The following APPBP2 variants were observed in gnomAD, a reference collection of about 807,000 sequenced individuals.
APPBP2 encodes amyloid beta precursor protein binding protein 2, also known as amyloid protein-binding protein 2.
APPBP2 carries 15 observed loss-of-function variants against 76.0 expected under a neutral mutation model. That is an observed-to-expected ratio of 0.20 (90% CI 0.13 to 0.30). The LOEUF is 0.30. APPBP2 is among the 10% of genes least tolerant of loss of function. The probability of loss-of-function intolerance (pLI) is 1.00; values close to 1 mark genes in which losing one functional copy is unlikely to be tolerated. For missense variants in APPBP2, 401 were observed against 687.2 expected, an observed-to-expected ratio of 0.58 and a Z score of 4.66; for synonymous variants, 222 against 242.2, an observed-to-expected ratio of 0.92 and a Z score of 0.77.
chr17:60,496,777 G>A (rs549486382), intron 2 of APPBP2, among the ~76,000 whole-genome samples: 1 of 152,262 alleles, frequency 6.6e-6, no homozygotes, highest in African/African-American at 2.4e-5. Context: ...CTGGAGTGCA[G>A]CGGTGTGATG....
At position 60,525,939 on chromosome 17, in the gene APPBP2, C is replaced by G. The variant is rs751978477; in HGVS notation, c.-8G>C. On this transcript the variant is annotated 5_prime_UTR_variant, in exon 1 of 13. Transcript: ENST00000083182. The stretch of plus-strand genomic sequence containing the variant: ...TAGTTCCACGGCCGCCATCTTCCTT[C>G]CCTCCTCCTCCGCCTCCTCCGCCTC... 1.3e-6 allele frequency: 2 copies of G among 1,593,510 alleles called. No individual in the cohort carries two copies. Among genetic ancestry groups the G allele is most frequent in the South Asian group, 2.3e-5 (2 of 87,930 alleles).
intron 3 of APPBP2, among the ~76,000 whole-genome samples, chr17:60,490,355 A>G (rs2090717873): frequency 6.6e-6 from 1 of 152,160 alleles, no homozygotes; most frequent in Non-Finnish European, 1.5e-5. Flanking sequence ...GCAACTTCCT[A>G]TGAATCTACA....
intron 2 of APPBP2, chr17:60,496,431 T>A (rs2090776249): frequency 6.6e-6 from 1 of 152,202 alleles, no homozygotes; most frequent in Non-Finnish European, 1.5e-5. Flanking sequence ...TTGGACTTGG[T>A]GAAAGATAAC....
chr17:60,504,271 C>T (rs2090848315), intron 1 of APPBP2, among the ~76,000 whole-genome samples: 1 of 151,988 alleles, frequency 6.6e-6, no homozygotes, highest in African/African-American at 2.4e-5. Flanking sequence ...TTATCACCCA[C>T]CAGATATAAA....
intron 3 of APPBP2, 133 bp downstream of exon 3, chr17:60,494,333 G>T (rs550442145): frequency 3.5e-6 from 3 of 869,160 alleles, no homozygotes; most frequent in Non-Finnish European, 5.3e-6. Context: ...TTGGCATGGG[G>T]TTAAGTGGTT....
At chr17:60,500,983 C>T (rs2090818672) in intron 1 of APPBP2, among the ~76,000 whole-genome samples, 1 of 152,008 alleles carries the variant, frequency 6.6e-6, no homozygotes, top group South Asian at 2.1e-4. Context: ...ATGCCATAAT[C>T]GTTTATACAT....
intron 3 of APPBP2, among the ~76,000 whole-genome samples, chr17:60,483,042 C>T (rs1277943866): frequency 6.6e-6 from 1 of 152,134 alleles, no homozygotes; most frequent in African/African-American, 2.4e-5. Context: ...TTTACACTCC[C>T]ACCAACAGTG....
At chr17:60,520,924 A>G (rs2091005456) in intron 1 of APPBP2, among the ~76,000 whole-genome samples, 1 of 152,104 alleles carries the variant, frequency 6.6e-6, no homozygotes, top group African/African-American at 2.4e-5. Flanking sequence ...CTCTGTATAG[A>G]GTTCTAGAAT....
chr17:60,467,593 G>A (rs1469564968), intron 4 of APPBP2, among the ~76,000 whole-genome samples: 2 of 152,150 alleles, frequency 1.3e-5, no homozygotes, highest in African/African-American at 4.8e-5. Context: ...GGGTATTAGT[G>A]TGGGCAAAGA....
intron 12 of APPBP2, among the ~76,000 whole-genome samples, chr17:60,451,111 A>T (rs73326419): frequency 0.082 from 12,529 of 152,268 alleles, 1,709 homozygotes; most frequent in African/African-American, 0.28. Flanking sequence ...TAATCCAACA[A>T]ATGGCAGTGA....
At chr17:60,475,178 C>T (rs146340813) in intron 4 of APPBP2, among the ~76,000 whole-genome samples, 2 of 152,036 alleles carry the variant, frequency 1.3e-5, no homozygotes, top group Non-Finnish European at 2.9e-5. Context: ...TGCAGTGAGC[C>T]GCGATCACAC....
chr17:60,475,481 T>G (rs1371976204), intron 4 of APPBP2, among the ~76,000 whole-genome samples: 1 of 152,146 alleles, frequency 6.6e-6, no homozygotes, highest in African/African-American at 2.4e-5. Flanking sequence ...TGGGTCTTCA[T>G]GTATTTGAAA....
chr17:60,451,645 T>C (rs1035786532), intron 12 of APPBP2, among the ~76,000 whole-genome samples: 3 of 151,898 alleles, frequency 2.0e-5, no homozygotes, highest in African/African-American at 7.3e-5. Context: ...AGCTAATTTG[T>C]TTTTGTATTT....
At chr17:60,505,623 A>T (rs1346151638) in intron 1 of APPBP2, among the ~76,000 whole-genome samples, 1 of 144,686 alleles carries the variant, frequency 6.9e-6, no homozygotes, top group Non-Finnish European at 1.5e-5. Flanking sequence ...CCCATAATCC[A>T]AAATCTTTAT....
At chr17:60,516,934 A>C (rs76636833) in intron 1 of APPBP2, among the ~76,000 whole-genome samples, 27 of 152,262 alleles carry the variant, frequency 1.8e-4, no homozygotes, top group African/African-American at 6.0e-4. Context: ...TGGCCTTTTG[A>C]ATATTCTCTT....
intron 1 of APPBP2, among the ~76,000 whole-genome samples, chr17:60,504,244 T>C (rs760072809): frequency 2.6e-5 from 4 of 152,164 alleles, no homozygotes; most frequent in Non-Finnish European, 4.4e-5. Flanking sequence ...ACAAGCTTAT[T>C]TCTAGAAGTA....
chr17:60,513,080 T>C (rs748795582), intron 1 of APPBP2: 17 of 207,514 alleles, frequency 8.2e-5, no homozygotes, highest in Non-Finnish European at 8.6e-5. Flanking sequence ...ACTTGGGTGT[T>C]GATGTCCCAC....
intron 1 of APPBP2, among the ~76,000 whole-genome samples, chr17:60,511,863 T>A (rs2090916257): frequency 6.6e-6 from 1 of 152,058 alleles, no homozygotes. Flanking sequence ...TAAACTTTAA[T>A]CCTCTATTAT....
chr17:60,485,626 T>C (rs948860480), intron 3 of APPBP2, among the ~76,000 whole-genome samples: 3 of 152,210 alleles, frequency 2.0e-5, no homozygotes, highest in Admixed American at 6.5e-5. Context: ...TCTATCAATT[T>C]TGTTGATCTT....
Sources: allele counts gnomAD v4.1 joint callset (sites outside exome capture counted in the v4.1 genomes callset), GRCh38; gene constraint gnomAD v4.1.1; transcripts MANE v1.5; gene names NCBI Gene and HGNC (gene_info 2026-07-23, HGNC 2026-07-21).